The following ADAMTS19 variants were observed in gnomAD, a reference collection of about 807,000 sequenced individuals.
The protein encoded by ADAMTS19 is ADAM metallopeptidase with thrombospondin type 1 motif 19.
In ADAMTS19, 93 loss-of-function variants were observed where a neutral mutation model predicts 153.3. The ratio of observed to expected loss-of-function variants is 0.61; its 90% CI spans 0.51 to 0.72. ADAMTS19 has a LOEUF of 0.72. Ranked by LOEUF, ADAMTS19 falls within the 30% of genes least tolerant of loss-of-function variation. The pLI is 0.00. For synonymous variants in ADAMTS19, 600 were observed against 556.6 expected, an observed-to-expected ratio of 1.08 and a Z score of -1.10; for missense variants, 1,482 against 1,552.1, an observed-to-expected ratio of 0.95 and a Z score of 0.76.
intron 7 of ADAMTS19, among the ~76,000 whole-genome samples, chr5:129,576,336 G>T (rs955178131): frequency 2.6e-5 from 4 of 151,840 alleles, no homozygotes; most frequent in Non-Finnish European, 4.4e-5. Flanking sequence ...GCTTGCCAAA[G>T]ATGTAGAAGT....
chr5:129,615,206 C>T (rs970624474), intron 8 of ADAMTS19, among the ~76,000 whole-genome samples: 4 of 151,872 alleles, frequency 2.6e-5, no homozygotes, highest in African/African-American at 9.7e-5. Flanking sequence ...CATATGGAAC[C>T]AAAAAAGAGC....
chr5:129,555,527 G>A (rs1300890200), intron 7 of ADAMTS19, among the ~76,000 whole-genome samples: 2 of 152,122 alleles, frequency 1.3e-5, no homozygotes, highest in East Asian at 3.9e-4. Flanking sequence ...TTGACTATGT[G>A]AATTTAGGCA....
intron 18 of ADAMTS19, among the ~76,000 whole-genome samples, chr5:129,692,560 G>A (rs573101965): frequency 4.1e-4 from 63 of 152,272 alleles, no homozygotes; most frequent in African/African-American, 1.5e-3. Flanking sequence ...TGTTGCATGA[G>A]CTGCAAAGGT....
intron 7 of ADAMTS19, among the ~76,000 whole-genome samples, chr5:129,591,231 A>G (rs556009355): frequency 2.1e-4 from 32 of 151,888 alleles, no homozygotes; most frequent in Non-Finnish European, 4.4e-4. Flanking sequence ...TTCTCCCATA[A>G]TATCTTATGT....
rs775724023 is a variant in ADAMTS19 at position 129,658,585 on chromosome 5, A to T, written c.2305-32A>T. The T allele has an allele frequency of 5.6e-6, 9 of 1,606,272 alleles. No homozygotes were observed. In the Admixed American group the frequency reaches 1.0e-4, roughly 18 times the overall value. ...AGTAAAACAAGAAAAGAATACTGCT[A>T]TTTATGATGTGCTGTCACTCTCTTG... On this transcript the variant is annotated intron_variant, in intron 14 of 22. Transcript: ENST00000274487.
intron 18 of ADAMTS19, among the ~76,000 whole-genome samples, chr5:129,691,523 GA>G (rs1220750944): frequency 1.3e-5 from 2 of 152,084 alleles, no homozygotes; most frequent in African/African-American, 4.8e-5. Context: ...ATATATAAAA[GA>G]AAAACTCAAA....
At chr5:129,687,025 T>C (rs1031771613) in intron 18 of ADAMTS19, among the ~76,000 whole-genome samples, 1 of 152,066 alleles carries the variant, frequency 6.6e-6, no homozygotes, top group African/African-American at 2.4e-5. Context: ...TCTGCTCCAC[T>C]CATCCTACAC....
intron 2 of ADAMTS19, among the ~76,000 whole-genome samples, chr5:129,503,944 T>G (rs1246948224): frequency 6.6e-6 from 1 of 152,198 alleles, no homozygotes. Flanking sequence ...CTCTTACCAC[T>G]GTTTACAACC....
intron 21 of ADAMTS19, among the ~76,000 whole-genome samples, chr5:129,716,589 T>TC (rs397884590): frequency 6.6e-6 from 1 of 150,664 alleles, no homozygotes; most frequent in African/African-American, 2.5e-5. Flanking sequence ...TTTTTTTTTT[T>TC]CCAAAACATT....
chr5:129,511,276 A>G (rs1359247255), intron 3 of ADAMTS19, among the ~76,000 whole-genome samples: 2 of 151,856 alleles, frequency 1.3e-5, no homozygotes, highest in African/African-American at 4.8e-5. Flanking sequence ...GCTTACATGA[A>G]TATTTTTTTC....
At chr5:129,512,906 CT>C (rs199522509) in intron 3 of ADAMTS19, among the ~76,000 whole-genome samples, 1 of 151,700 alleles carries the variant, frequency 6.6e-6, no homozygotes, top group Non-Finnish European at 1.5e-5. Flanking sequence ...CAGGACTTCC[CT>C]TTTTTTTCTA....
In ADAMTS19 at chr5:129,461,756, T is replaced by C. The variant is rs1478688866; in HGVS notation, c.746T>C (p.Leu249Pro). ...LASFSTCGGG[L>P]MGFIQLNEDF... The stretch of plus-strand genomic sequence containing the variant: ...TCTTTCAGCACCTGTGGAGGTGGCC[T>C]GGTAAGCGCCTTCTTTCCCTAGCTC... The change falls in exon 2 of 23, where the codon CTG becomes CCG. Residue 249 changes from leucine (L) to proline (P), a missense_variant and splice_region_variant. Physicochemically the swap from Leu to Pro is moderately conservative, Grantham distance 98 (BLOSUM62 -3). Transcript: ENST00000274487. This position sits in a 1 kb window ranked among gnomAD's most constrained non-coding sequence, Gnocchi z 4.6. 4 of 1,487,434 alleles carry C rather than the reference T, an allele frequency of 2.7e-6. No individual in the cohort carries two copies. Among genetic ancestry groups the C allele is most frequent in the South Asian group, 2.7e-5 (2 of 73,794 alleles). 92.1% of individuals were successfully genotyped at this position (1,487,434 alleles called of 1,614,324 possible).
At chr5:129,520,097 A>G (rs987387049) in intron 3 of ADAMTS19, among the ~76,000 whole-genome samples, 1 of 152,146 alleles carries the variant, frequency 6.6e-6, no homozygotes, top group African/African-American at 2.4e-5. Context: ...ATTTTTGTGC[A>G]TATTTAGAGA....
intron 2 of ADAMTS19, among the ~76,000 whole-genome samples, chr5:129,503,255 G>T (rs972812722): frequency 5.3e-5 from 8 of 152,204 alleles, no homozygotes; most frequent in African/African-American, 1.9e-4. Flanking sequence ...TGGAAACATT[G>T]AAAGGATCAT....
At chr5:129,621,948 C>G (rs923477704) in intron 9 of ADAMTS19, among the ~76,000 whole-genome samples, 12 of 152,124 alleles carry the variant, frequency 7.9e-5, no homozygotes, top group African/African-American at 2.9e-4. Flanking sequence ...TTATGTAGAT[C>G]AGCTGAGTTA....
intron 10 of ADAMTS19, among the ~76,000 whole-genome samples, chr5:129,633,456 A>G (rs554971590): frequency 8.5e-5 from 13 of 152,328 alleles, no homozygotes; most frequent in Middle Eastern, 3.4e-3. Context: ...GTTATATTAT[A>G]GAGCAAACAT....
At chr5:129,514,026 G>T (rs1751519706) in intron 3 of ADAMTS19, among the ~76,000 whole-genome samples, 1 of 151,994 alleles carries the variant, frequency 6.6e-6, no homozygotes, top group African/African-American at 2.4e-5. Context: ...CGACAAATAA[G>T]TGAGACCATC....
intron 3 of ADAMTS19, among the ~76,000 whole-genome samples, chr5:129,524,728 C>G (rs187690009): frequency 1.6e-4 from 24 of 150,972 alleles, no homozygotes; most frequent in African/African-American, 5.8e-4. Flanking sequence ...CAAACCTGCA[C>G]GTTCTGCACA....
At position 129,737,185 on chromosome 5, in the gene ADAMTS19, C is replaced by T. The variant is rs745444003; in HGVS notation, c.3609C>T (p.Asp1203=). ...WYQRCCETCR[D]FYAQKLQQKS is the part of the protein sequence containing the mutation. ...AGCGCTGCTGTGAAACATGCAGGGA[C>T]TTCTATGCCCAAAAGCTGCAGCAGA... The change falls in exon 23 of 23, where the codon GAC becomes GAT. Residue 1203 remains aspartate (D), a synonymous_variant. Coordinates refer to ENST00000274487, the MANE Select transcript of ADAMTS19 (RefSeq NM_133638.6). The T allele has an allele frequency of 6.2e-7, 1 of 1,607,936 alleles. No homozygotes were observed. Among genetic ancestry groups the T allele is most frequent in the South Asian group, 1.1e-5 (1 of 90,418 alleles).
Sources: gnomAD v4.1 joint callset for allele counts (sites outside exome capture counted in the v4.1 genomes callset) on GRCh38, gnomAD v4.1.1 for gene constraint, Gnocchi (gnomAD v3.1) non-coding constraint, MANE v1.5 for transcripts, NCBI Gene and HGNC (gene_info 2026-07-23, HGNC 2026-07-21) for gene names.